Variants in ESAM observed in about 807,000 individuals in gnomAD.
ESAM encodes endothelial cell-selective adhesion molecule.
Under a neutral mutation model 31.8 loss-of-function variants are expected in ESAM, and 23 were observed. The ratio of observed to expected loss-of-function variants is 0.72; its 90% confidence interval spans 0.52 to 1.03. ESAM has a LOEUF of 1.03. Ranked by LOEUF, ESAM falls within the 50% of genes least tolerant of loss-of-function variation. The pLI is 0.00. For missense variants in ESAM, 478 were observed against 488.9 expected (o/e 0.98, Z 0.21); for synonymous variants, 216 against 207.2 (o/e 1.04, Z -0.37).
chr11:124,758,255 A>C, intron 2 of ESAM, 94 bp downstream of exon 2: 71 of 1,357,334 alleles, frequency 5.2e-5, no homozygotes, highest in Non-Finnish European at 6.1e-5. Flanking sequence ...CCCGGCCCCC[A>C]TTCCCTCTCC....
chr11:124,754,375 G>A lies in ESAM; in HGVS notation c.731-35C>T. 2 of 1,610,430 alleles carry A rather than the reference G, an allele frequency of 1.2e-6. No homozygotes were observed. On this transcript the variant is annotated intron_variant, in intron 5 of 6. Coordinates refer to ENST00000278927, the MANE Select transcript of ESAM (RefSeq NM_138961.3). This position sits in a 1 kb window ranked among gnomAD's most constrained non-coding sequence, Gnocchi z 4.5. ...GCGTCGTGTCAGAGGAGGACACCCAGCTGAGGGGTTCTCACCCCTCTCCAA... is the reference window on the plus strand; with the variant it reads ...GCGTCGTGTCAGAGGAGGACACCCAACTGAGGGGTTCTCACCCCTCTCCAA...
chr11:124,756,788 C>T (rs372913774), intron 2 of ESAM, 46 bp from the exon 3 acceptor site: 163 of 1,566,706 alleles, frequency 1.0e-4, no homozygotes, highest in Non-Finnish European at 1.4e-4. Context: ...CATGTGTCTA[C>T]TGTGCCTACA....
In ESAM at chr11:124,753,688, A is replaced by C. The variant is rs761118874; in HGVS notation, c.1131T>G (p.Pro377=). Residue 377 remains proline, a synonymous_variant, in exon 7 of 7, where the codon CCT becomes CCG. Transcript: ENST00000278927. The part of the protein sequence containing the change: ...SSGLSRMGAV[P]VMVPAQSQAG... The stretch of plus-strand genomic sequence containing the variant: ...CTTGACTCTGGGCAGGCACCATCAC[A>C]GGCACAGCACCCATGCGGCTCAAGC... 1.9e-6 allele frequency: 3 copies of C among 1,614,000 alleles called. No homozygotes were observed. Among genetic ancestry groups the C allele is most frequent in the Non-Finnish European group, 2.5e-6 (3 of 1,180,040 alleles).
rs1298186294 is a variant in ESAM at position 124,754,492 on chromosome 11, C to G, written c.730+149G>C. 1 of 1,501,580 alleles carries G rather than the reference C, an allele frequency of 6.7e-7. No individual in the cohort carries two copies. Among genetic ancestry groups the G allele is most frequent in the East Asian group, 2.3e-5 (1 of 43,992 alleles). 93.0% of individuals were successfully genotyped at this position (1,501,580 alleles called of 1,614,324 possible). A position where few individuals can be genotyped will look rare whatever the true frequency, so the allele number is the denominator to read the frequency against. ...GGCTGTTGAGCAGGAAATGACCAGT[C>G]ACTGACCAACCATTTGTACAAACAT... On this transcript the variant is annotated intron_variant, in intron 5 of 6. Transcript: ENST00000278927. This position sits in a 1 kb window ranked among gnomAD's most constrained non-coding sequence, Gnocchi z 4.5.
intron 1 of ESAM, 49 bp from the exon 2 acceptor site, chr11:124,758,576 G>T: frequency 6.9e-7 from 1 of 1,454,072 alleles, no homozygotes; most frequent in Non-Finnish European, 9.0e-7. Context: ...TCCCAGCTCC[G>T]CCCGCGGACC....
At chr11:124,758,762 G>C (rs1320087051) in intron 1 of ESAM, among the ~76,000 whole-genome samples, 2 of 152,220 alleles carry the variant, frequency 1.3e-5, no homozygotes, top group African/African-American at 4.8e-5. Flanking sequence ...TTGTAGCGGG[G>C]ATGGGGACAC....
Position 124,754,576 on chromosome 11 carries a change from TC to T in ESAM, c.730+64del. ...GACAGGCCTCAGCAGACAGGCCTCCTCCCCACTTGCAACCCCTCCCCCACCA... is the reference window on the plus strand; with the variant it reads ...GACAGGCCTCAGCAGACAGGCCTCCTCCCACTTGCAACCCCTCCCCCACCA... On this transcript the variant is annotated intron_variant, in intron 5 of 6. Transcript: ENST00000278927. This position sits in a 1 kb window ranked among gnomAD's most constrained non-coding sequence, Gnocchi z 4.5. 6.4e-7 allele frequency: 1 copy of T among 1,566,580 alleles called. No homozygotes were observed. Among genetic ancestry groups the T allele is most frequent in the Non-Finnish European group, 8.7e-7 (1 of 1,154,514 alleles).
chr11:124,760,702 C>T (rs1224266574), intron 1 of ESAM, among the ~76,000 whole-genome samples: 1 of 152,188 alleles, frequency 6.6e-6, no homozygotes, highest in East Asian at 1.9e-4. Context: ...AACTGAGGCT[C>T]AAAGCTGGGG....
Position 124,753,453 on chromosome 11 carries a change from A to T in ESAM, c.*193T>A, listed in dbSNP as rs886361497. 2 of 632,212 alleles carry T rather than the reference A, an allele frequency of 3.2e-6. No individual in the cohort carries two copies. The highest frequency in any genetic ancestry group is 5.3e-6 in the Non-Finnish European group (2 of 377,342). 39.2% of individuals were successfully genotyped at this position (632,212 alleles called of 1,614,324 possible). ...GGAGGCTCCTCCCAATTCCAGATCCACTTCCTCTTCTCCTTCTGTCTCCTG... is the reference window on the plus strand; with the variant it reads ...GGAGGCTCCTCCCAATTCCAGATCCTCTTCCTCTTCTCCTTCTGTCTCCTG... On this transcript the variant is annotated 3_prime_UTR_variant, in exon 7 of 7. Transcript: ENST00000278927.
chr11:124,761,803 G>A (rs1040218876), intron 1 of ESAM, among the ~76,000 whole-genome samples: 2 of 151,766 alleles, frequency 1.3e-5, no homozygotes, highest in East Asian at 1.9e-4. Context: ...GGAGTGGACA[G>A]GGTGAGGAAT....
In ESAM at chr11:124,753,834, C is replaced by T. The variant is rs1007679687; in HGVS notation, c.985G>A (p.Gly329Ser). The change falls in exon 7 of 7, where the codon GGT (glycine) becomes AGT (serine). Residue 329 changes from glycine to serine, a missense_variant. By Grantham distance (56) the Gly-to-Ser change is moderately conservative. Transcript: ENST00000278927. ...AGACTGGGCGTGGGGGTCAATGCAC[C>T]AGGCCTGGGAGGGCCATGGGGTGGC... is the stretch of plus-strand genomic sequence containing the variant. The part of the protein sequence containing the change: ...LRPPHGPPRP[G>S]ALTPTPSLSS... 6.2e-6 allele frequency: 10 copies of T among 1,613,452 alleles called. No individual in the cohort carries two copies. Among genetic ancestry groups the T allele is most frequent in the Non-Finnish European group, 8.5e-6 (10 of 1,179,710 alleles).
chr11:124,758,305 T>A, intron 2 of ESAM, 44 bp downstream of exon 2: 1 of 1,602,360 alleles, frequency 6.2e-7, no homozygotes, highest in Non-Finnish European at 8.5e-7. Context: ...TACAACCCCC[T>A]CTGGGCGCAA....
chr11:124,761,555 C>T lies in ESAM; in HGVS notation c.70+530G>A, dbSNP rs559016775. 1.3e-4 allele frequency among the ~76,000 whole-genome samples: 20 copies of T among 152,214 alleles called. No homozygotes were observed. In the South Asian group the frequency reaches 3.7e-3, roughly 28 times the overall value. ...CCTCACGGTCGTCCTTTTGGGGCAC[C>T]TCCCTTGATTCCCAGGGCAGGAAGC... On this transcript the variant is annotated intron_variant, in intron 1 of 6. Transcript: ENST00000278927.
rs1944185837 is a variant in ESAM at position 124,758,547 on chromosome 11, G to A, written c.71-20C>T. The A allele has an allele frequency of 3.3e-6, 5 of 1,512,352 alleles. No individual in the cohort carries two copies. Among genetic ancestry groups the A allele is most frequent in the Non-Finnish European group, 4.4e-6 (5 of 1,130,408 alleles). The allele number at this position is 1,512,352 out of a possible 1,614,324, so 93.7% of individuals were successfully genotyped here. A position where few individuals can be genotyped will look rare whatever the true frequency, so the allele number is the denominator to read the frequency against. On this transcript the variant is annotated intron_variant, in intron 1 of 6. Coordinates refer to ENST00000278927, the MANE Select transcript of ESAM (RefSeq NM_138961.3). ...GGGGCGCTGGAGACAAGAGCGAGGC[G>A]TGAGTGCCCAGGACCGGCTCCCAGC... is the stretch of plus-strand genomic sequence containing the variant.
chr11:124,756,702 C>A lies in ESAM; in HGVS notation c.290G>T (p.Gly97Val), dbSNP rs964941185. ...YINGVTTSKPGVSLVYSMPSR... is the reference protein window; with the variant it reads ...YINGVTTSKPVVSLVYSMPSR... ...GGGCATGGAGTAGACCAAGGATACT[C>A]CAGGTTTGCTTGTTGTGACCCCATT... Residue 97 changes from glycine to valine, a missense_variant, in exon 3 of 7, where the codon GGA becomes GTA. By Grantham distance (109) the Gly-to-Val change is moderately radical (BLOSUM62 -3). Coordinates refer to ENST00000278927, the MANE Select transcript of ESAM (RefSeq NM_138961.3). 6.2e-7 allele frequency: 1 copy of A among 1,614,020 alleles called. No individual in the cohort carries two copies. Among genetic ancestry groups the A allele is most frequent in the Non-Finnish European group, 8.5e-7 (1 of 1,180,044 alleles).
At position 124,762,183 on chromosome 11, in the gene ESAM, G is replaced by A. The variant is rs1252929728; in HGVS notation, c.-29C>T. 1 of 1,579,538 alleles carries A rather than the reference G, an allele frequency of 6.3e-7. No individual in the cohort carries two copies. The stretch of plus-strand genomic sequence containing the variant: ...CCTCCCTGGCCGGGACGGAGTCAGG[G>A]GCGCCAGCCGCGGGACGCACGGACC... On this transcript the variant is annotated 5_prime_UTR_variant, in exon 1 of 7. Coordinates refer to ENST00000278927, the MANE Select transcript of ESAM (RefSeq NM_138961.3). This position sits in a 1 kb window ranked among gnomAD's most constrained non-coding sequence, Gnocchi z 6.4.
rs114488947 is a variant in ESAM at position 124,760,009 on chromosome 11, C to T, written c.71-1482G>A. Among the ~76,000 whole-genome samples the T allele has an allele frequency of 2.7e-3, 412 of 152,354 alleles. 6 individuals are homozygous for T. Among genetic ancestry groups the T allele is most frequent in the African/African-American group, 9.6e-3 (399 of 41,596 alleles). On this transcript the variant is annotated intron_variant, in intron 1 of 6. Transcript: ENST00000278927. Reference sequence around the variant, plus strand: ...AGAAAGGGTTTCCGCCGGGAAACTGCCTGGGGCCCAGAAGGGGCGCGCCCT... The same window carrying T: ...AGAAAGGGTTTCCGCCGGGAAACTGTCTGGGGCCCAGAAGGGGCGCGCCCT...
chr11:124,754,632 C>T lies in ESAM; in HGVS notation c.730+9G>A. On this transcript the variant is annotated intron_variant, in intron 5 of 6. Transcript: ENST00000278927. This position sits in a 1 kb window ranked among gnomAD's most constrained non-coding sequence, Gnocchi z 4.5. The stretch of plus-strand genomic sequence containing the variant: ...CCACTCTTCTTAACCACACTTACCC[C>T]TCACTGACCTGTGCTCACTTCCAGC... 6.2e-7 allele frequency: 1 copy of T among 1,609,364 alleles called. No individual in the cohort carries two copies. Among genetic ancestry groups the T allele is most frequent in the African/African-American group, 1.3e-5 (1 of 74,804 alleles).
In ESAM at chr11:124,754,477, C is replaced by T; in HGVS notation, c.731-137G>A. 1 of 1,499,580 alleles carries T rather than the reference C, an allele frequency of 6.7e-7. No homozygotes were observed. Among genetic ancestry groups the T allele is most frequent in the Non-Finnish European group, 9.0e-7 (1 of 1,115,806 alleles). 92.9% of individuals were successfully genotyped at this position (1,499,580 alleles called of 1,614,324 possible). On this transcript the variant is annotated intron_variant, in intron 5 of 6. Coordinates refer to ENST00000278927, the MANE Select transcript of ESAM (RefSeq NM_138961.3). This position sits in a 1 kb window ranked among gnomAD's most constrained non-coding sequence, Gnocchi z 4.5. ...GTCAAGAAGAGGGGTGGCTGTTGAG[C>T]AGGAAATGACCAGTCACTGACCAAC...
Sources: allele counts gnomAD v4.1 joint callset (sites outside exome capture counted in the v4.1 genomes callset), GRCh38; gene constraint gnomAD v4.1.1; non-coding constraint Gnocchi (gnomAD v3.1); transcripts MANE v1.5; gene names NCBI Gene and HGNC (gene_info 2026-07-23, HGNC 2026-07-21).